ADGRV1: variants seen among roughly 807,000 people sequenced by gnomAD.
ADGRV1 encodes the protein adhesion G protein-coupled receptor V1, also known as G-protein coupled receptor 98.
Under a neutral mutation model 596.2 loss-of-function variants are expected in ADGRV1, and 359 were observed. The ratio of observed to expected loss-of-function variants is 0.60; its 90% CI spans 0.55 to 0.66. The LOEUF is 0.66. ADGRV1 is among the 30% of genes least tolerant of loss of function. The pLI is 0.00. For synonymous variants in ADGRV1, 2,681 were observed against 2,679.2 expected (o/e 1.00, Z -0.02); for missense variants, 7,274 against 7,575.6 (o/e 0.96, Z 1.48).
At chr5:90,926,108 C>G (rs1774413962) in intron 83 of ADGRV1, among the ~76,000 whole-genome samples, 1 of 142,694 alleles carries the variant, frequency 7.0e-6, no homozygotes, top group South Asian at 2.3e-4. Flanking sequence ...TTGGTTGTGT[C>G]TCTGCCCGGC....
intron 85 of ADGRV1, among the ~76,000 whole-genome samples, chr5:90,992,494 T>G (rs571757150): frequency 1.2e-4 from 19 of 152,348 alleles, no homozygotes; most frequent in African/African-American, 3.8e-4. Flanking sequence ...GGAACCTAGG[T>G]GTAAAAAGAA....
rs768444468 is a variant in ADGRV1 at position 90,642,706 on chromosome 5, G to T, written c.2311G>T (p.Asp771Tyr). 6.8e-6 allele frequency: 11 copies of T among 1,613,414 alleles called. No homozygotes were observed. Among genetic ancestry groups the T allele is most frequent in the Admixed American group, 1.7e-5 (1 of 59,978 alleles). Residue 771 changes from aspartate (D) to tyrosine (Y), a missense_variant, in exon 12 of 90, where the codon GAC becomes TAC. Transcript: ENST00000405460. ...SRDLIILEND[D>Y]PGGVFEFSPA... is the part of the protein sequence containing the mutation. ...TGACCTAATTATTTTGGAAAATGAT[G>T]ACCCTGGGGGAGTTTTTGAATTTTC...
At chr5:91,066,927 C>T (rs1787932840) in intron 85 of ADGRV1, among the ~76,000 whole-genome samples, 1 of 152,140 alleles carries the variant, frequency 6.6e-6, no homozygotes, top group Admixed American at 6.5e-5. Flanking sequence ...AGCCCTCCTC[C>T]TTAACATTCT....
Position 90,643,832 on chromosome 5 carries a change from C to T in ADGRV1, c.2583C>T (p.Ser861=), listed in dbSNP as rs777073596. 14 of 1,609,666 alleles carry T rather than the reference C, an allele frequency of 8.7e-6. No individual in the cohort carries two copies. Among genetic ancestry groups the T allele is most frequent in the Middle Eastern group, 1.7e-4 (1 of 6,052 alleles). ...ATGAACACTACTGGGTGGTCCTCAGCAGCCACGGAGAACGGGAAAGCAAGT... is the reference window on the plus strand; with the variant it reads ...ATGAACACTACTGGGTGGTCCTCAGTAGCCACGGAGAACGGGAAAGCAAGT... ...ELDEHYWVVL[S]SHGERESKLG... is the part of the protein sequence containing the mutation. The change falls in exon 14 of 90, where the codon AGC becomes AGT. Residue 861 remains serine (S), a synonymous_variant. Transcript: ENST00000405460.
rs571274986 is a variant in ADGRV1 at position 90,945,769 on chromosome 5, TG to T, written c.17857-19645del. On this transcript the variant is annotated intron_variant, in intron 83 of 89. Coordinates refer to ENST00000405460, the MANE Select transcript of ADGRV1 (RefSeq NM_032119.4). ...GCAAGGCTGAGGCAGATAGATCACTTGAGCCCAGGAGATTGAGAAGAGCATG... is the reference window on the plus strand; with the variant it reads ...GCAAGGCTGAGGCAGATAGATCACTTAGCCCAGGAGATTGAGAAGAGCATG... Among the ~76,000 whole-genome samples, 19 of 152,236 alleles carry T rather than the reference TG, an allele frequency of 1.2e-4. No homozygotes were observed. In the South Asian group the frequency reaches 3.5e-3, roughly 28 times the overall value.
intron 84 of ADGRV1, 37 bp from the exon 85 acceptor site, chr5:90,985,304 AAAG>A: frequency 6.8e-7 from 1 of 1,480,090 alleles, no homozygotes; most frequent in Non-Finnish European, 9.2e-7. Flanking sequence ...CTGTGCCATT[AAAG>A]AAGAGCCTGT....
At chr5:91,072,135 C>A (rs1477830437) in intron 85 of ADGRV1, among the ~76,000 whole-genome samples, 1 of 152,074 alleles carries the variant, frequency 6.6e-6, no homozygotes, top group African/African-American at 2.4e-5. Context: ...TTAAAATGAA[C>A]AGATATGTAC....
chr5:90,870,514 A>T (rs1409805500), intron 83 of ADGRV1, among the ~76,000 whole-genome samples: 1 of 152,182 alleles, frequency 6.6e-6, no homozygotes, highest in Non-Finnish European at 1.5e-5. Context: ...AAAGGTTTCA[A>T]ATGGAAAGAT....
In ADGRV1 at chr5:90,694,142, G is replaced by T; in HGVS notation, c.7386G>T (p.Gln2462His). ...FSFFSASEGP[Q>H]CFWMTSWISP... is the part of the protein sequence containing the mutation. ...TTTTCAGTGCTTCTGAGGGTCCCCA[G>T]TGTTTCTGGATGACATCATGGATCA... Residue 2462 changes from glutamine to histidine, a missense_variant, in exon 33 of 90, where the codon CAG becomes CAT. By Grantham distance (24) the Gln-to-His change is conservative. Coordinates refer to ENST00000405460, the MANE Select transcript of ADGRV1 (RefSeq NM_032119.4). 1 of 1,613,810 alleles carries T rather than the reference G, an allele frequency of 6.2e-7. No individual in the cohort carries two copies. Among genetic ancestry groups the T allele is most frequent in the Non-Finnish European group, 8.5e-7 (1 of 1,179,834 alleles).
intron 81 of ADGRV1, 98 bp from the exon 82 acceptor site, chr5:90,855,643 G>C: frequency 1.3e-6 from 1 of 790,854 alleles, no homozygotes; most frequent in Non-Finnish European, 2.0e-6. Context: ...CTTGAGCAAA[G>C]AACACTTAAT....
chr5:91,106,294 G>A (rs1006636555), intron 87 of ADGRV1, among the ~76,000 whole-genome samples: 1 of 152,022 alleles, frequency 6.6e-6, no homozygotes, highest in Non-Finnish European at 1.5e-5. Context: ...GATTAATTTT[G>A]TGCTTCTCTA....
Position 90,628,848 on chromosome 5 carries a change from T to A in ADGRV1, c.1509+16T>A, listed in dbSNP as rs764631750. 1.4e-5 allele frequency: 23 copies of A among 1,606,778 alleles called. No individual in the cohort carries two copies. Among genetic ancestry groups the A allele is most frequent in the Non-Finnish European group, 1.8e-5 (21 of 1,175,208 alleles). On this transcript the variant is annotated intron_variant, in intron 8 of 89. Coordinates refer to ENST00000405460, the MANE Select transcript of ADGRV1 (RefSeq NM_032119.4). ...GCCAGCGGAGGTATAACCCTTGTTA[T>A]GCTTTATGCTTGTTAATATTTCTGT...
chr5:90,674,175 G>A lies in ADGRV1; in HGVS notation c.5051G>A (p.Ser1684Asn), dbSNP rs2149545367. Reference sequence around the variant, plus strand: ...GGCTCAACTCCTACCAGTGGTGCAAGCATAGATCCTGAAAAGGAAACGACT... The same window carrying A: ...GGCTCAACTCCTACCAGTGGTGCAAACATAGATCCTGAAAAGGAAACGACT... ...KLGSTPTSGA[S>N]IDPEKETTDI... The change falls in exon 23 of 90, where the codon AGC (serine) becomes AAC (asparagine). Residue 1684 changes from serine to asparagine, a missense_variant. Physicochemically the swap from Ser to Asn is conservative, Grantham distance 46. Around this residue, in one of 5 missense-constraint regions of ADGRV1, gnomAD observed 3,643 missense variants for 3,809.2 expected, o/e 0.96. Transcript: ENST00000405460. 2 of 1,612,958 alleles carry A rather than the reference G, an allele frequency of 1.2e-6. No individual in the cohort carries two copies. The highest frequency in any genetic ancestry group is 1.7e-6 in the Non-Finnish European group (2 of 1,179,506).
At chr5:90,772,175 A>G (rs537054808) in intron 59 of ADGRV1, among the ~76,000 whole-genome samples, 1 of 152,126 alleles carries the variant, frequency 6.6e-6, no homozygotes, top group African/African-American at 2.4e-5. Context: ...ACAATCCCCT[A>G]CTTGTGAATT....
At chr5:91,117,908 G>A (rs1357246223) in intron 87 of ADGRV1, among the ~76,000 whole-genome samples, 2 of 152,174 alleles carry the variant, frequency 1.3e-5, no homozygotes, top group Non-Finnish European at 2.9e-5. Flanking sequence ...AGAGGACTGA[G>A]TAGTATAAAT....
At chr5:90,696,673 A>C (rs1747231191) in intron 33 of ADGRV1, among the ~76,000 whole-genome samples, 1 of 152,096 alleles carries the variant, frequency 6.6e-6, no homozygotes, top group Admixed American at 6.6e-5. Context: ...TCTTTGAAAC[A>C]ATTCTACCTT....
chr5:90,714,927 T>A (rs565252821), intron 42 of ADGRV1, among the ~76,000 whole-genome samples: 2 of 152,296 alleles, frequency 1.3e-5, no homozygotes, highest in African/African-American at 4.8e-5. Context: ...CACCTATTCC[T>A]TAAAAAAGTC....
intron 59 of ADGRV1, among the ~76,000 whole-genome samples, chr5:90,769,161 T>G (rs1343027236): frequency 6.6e-6 from 1 of 152,174 alleles, no homozygotes; most frequent in Non-Finnish European, 1.5e-5. Context: ...GGAATCTTAG[T>G]GAACATCAGA....
intron 72 of ADGRV1, among the ~76,000 whole-genome samples, chr5:90,807,352 T>C (rs1762002382): frequency 6.6e-6 from 1 of 152,166 alleles, no homozygotes; most frequent in Non-Finnish European, 1.5e-5. Context: ...ATCTTTTCAC[T>C]ACTGGATTTT....
Sources: gnomAD v4.1 joint callset for allele counts (sites outside exome capture counted in the v4.1 genomes callset) on GRCh38, gnomAD v4.1.1 for gene constraint, gnomAD v4.1.1 regional missense constraint, MANE v1.5 for transcripts, NCBI Gene and HGNC (gene_info 2026-07-23, HGNC 2026-07-21) for gene names.